The following ZC3H12C variants were observed in gnomAD, a reference collection of about 807,000 sequenced individuals.
The protein encoded by ZC3H12C is zinc finger CCCH-type containing 12C.
A neutral mutation model predicts 76.3 loss-of-function variants in ZC3H12C; 20 were observed. The observed-to-expected ratio is 0.26, with a 90% CI of 0.18 to 0.38. The LOEUF (loss-of-function observed/expected upper bound fraction) is 0.38, where lower values mean the gene tolerates loss of function less well. Among genes scored for constraint, ZC3H12C ranks in the 10% least tolerant of loss-of-function variants. The pLI is 1.00. For missense variants in ZC3H12C, 874 were observed against 1,086.5 expected, an observed-to-expected ratio of 0.80 and a Z score of 2.75; for synonymous variants, 352 against 399.6, an observed-to-expected ratio of 0.88 and a Z score of 1.42.
chr11:110,115,846 C>T (rs181861675), intron 1 of ZC3H12C, among the ~76,000 whole-genome samples: 3 of 150,712 alleles, frequency 2.0e-5, no homozygotes, highest in South Asian at 2.1e-4. Flanking sequence ...CTGCAACCTT[C>T]GCCTCCTGGG....
chr11:110,167,446 A>G lies in ZC3H12C; in HGVS notation c.*1709A>G, dbSNP rs1862604499. ...AAAATAAAAATAACAATTTAGATAAATAGAAATGTCTGTCTTAGTTTTATA... is the reference window on the plus strand; with the variant it reads ...AAAATAAAAATAACAATTTAGATAAGTAGAAATGTCTGTCTTAGTTTTATA... On this transcript the variant is annotated 3_prime_UTR_variant, in exon 6 of 6. Coordinates refer to ENST00000278590, the MANE Select transcript of ZC3H12C (RefSeq NM_033390.2). 6.6e-6 allele frequency: 1 copy of G among 152,216 alleles called. No homozygotes were observed. Among genetic ancestry groups the G allele is most frequent in the Non-Finnish European group, 1.5e-5 (1 of 68,032 alleles). The allele number at this position is 152,216 out of a possible 1,614,324, so 9.4% of individuals were successfully genotyped here.
chr11:110,130,571 A>G (rs984112904), intron 1 of ZC3H12C, among the ~76,000 whole-genome samples: 1 of 152,238 alleles, frequency 6.6e-6, no homozygotes, highest in African/African-American at 2.4e-5. Context: ...TAAAAATGAA[A>G]AGCTAATAGA....
intron 1 of ZC3H12C, among the ~76,000 whole-genome samples, chr11:110,135,111 T>C (rs1861931752): frequency 6.6e-6 from 1 of 152,178 alleles, no homozygotes; most frequent in Non-Finnish European, 1.5e-5. Context: ...TAGTTTTAAA[T>C]AGGTGTTTTT....
chr11:110,107,273 T>A (rs1861346211), intron 1 of ZC3H12C, among the ~76,000 whole-genome samples: 1 of 152,254 alleles, frequency 6.6e-6, no homozygotes, highest in African/African-American at 2.4e-5. Flanking sequence ...GTATAAATTT[T>A]GAGACCTATT....
In ZC3H12C at chr11:110,136,973, G is replaced by A. The variant is rs1459238519; in HGVS notation, c.332G>A (p.Gly111Asp). 1 of 1,613,732 alleles carries A rather than the reference G, an allele frequency of 6.2e-7. No homozygotes were observed. Among genetic ancestry groups the A allele is most frequent in the South Asian group, 1.1e-5 (1 of 91,028 alleles). ...TTGGGTAGCATTTCAGTAGAGCCAG[G>A]CTTGATAACTAAGACTCACAGACAG... is the stretch of plus-strand genomic sequence containing the variant. ...EQLGSISVEP[G>D]LITKTHRQLC... Residue 111 changes from glycine (G) to aspartate (D), a missense_variant, in exon 2 of 6, where the codon GGC (glycine) becomes GAC (aspartate). By Grantham distance (94) the Gly-to-Asp change is moderately conservative. Transcript: ENST00000278590.
At chr11:110,152,127 G>A (rs1421907170) in intron 2 of ZC3H12C, among the ~76,000 whole-genome samples, 1 of 152,100 alleles carries the variant, frequency 6.6e-6, no homozygotes, top group African/African-American at 2.4e-5. Context: ...ACATTGGGAT[G>A]GGTATCATTT....
rs1179645770 is a variant in ZC3H12C, at chr11:110,170,713, C to T, written c.*4976C>T. 6.6e-6 allele frequency: 1 copy of T among 152,194 alleles called. No homozygotes were observed. Among genetic ancestry groups the T allele is most frequent in the African/African-American group, 2.4e-5 (1 of 41,466 alleles). The allele number at this position is 152,194 out of a possible 1,614,324, so 9.4% of individuals were successfully genotyped here. ...ACACGCTGCTGAGCATGTTTATTCA[C>T]AGTGCTTTATACCGGGTGTTGCATC... On this transcript the variant is annotated 3_prime_UTR_variant, in exon 6 of 6. Transcript: ENST00000278590.
chr11:110,120,702 A>G (rs1861636615), intron 1 of ZC3H12C, among the ~76,000 whole-genome samples: 1 of 152,342 alleles, frequency 6.6e-6, no homozygotes, highest in South Asian at 2.1e-4. Context: ...GCAAATTTGC[A>G]AAGATGGGGA....
intron 3 of ZC3H12C, 48 bp from the exon 4 acceptor site, chr11:110,159,208 T>A: frequency 6.9e-7 from 1 of 1,444,244 alleles, no homozygotes; most frequent in Non-Finnish European, 9.5e-7. Flanking sequence ...GCCATGTGTG[T>A]TATCTATGTA....
intron 1 of ZC3H12C, among the ~76,000 whole-genome samples, chr11:110,113,196 G>A (rs1232869266): frequency 6.6e-6 from 1 of 152,110 alleles, no homozygotes; most frequent in Admixed American, 6.5e-5. Context: ...TCGATAGATA[G>A]AATTTGGAGA....
At chr11:110,136,609 G>A (rs1388071630) in intron 1 of ZC3H12C, 54 bp from the exon 2 acceptor site, 2 of 1,550,832 alleles carry the variant, frequency 1.3e-6, no homozygotes, top group Non-Finnish European at 1.7e-6. Context: ...TCTCCATTGA[G>A]ACAGAAATCT....
intron 3 of ZC3H12C, 37 bp from the exon 4 acceptor site, chr11:110,159,218 AT>A (rs1490404060): frequency 6.6e-7 from 1 of 1,517,876 alleles, no homozygotes; most frequent in Non-Finnish European, 9.0e-7. Context: ...TTATCTATGT[AT>A]TTACTTTCTG....
intron 1 of ZC3H12C, among the ~76,000 whole-genome samples, chr11:110,094,908 G>A (rs1861086209): frequency 6.6e-6 from 1 of 152,252 alleles, no homozygotes; most frequent in South Asian, 2.1e-4. Flanking sequence ...TACTTTCAAA[G>A]TAAGTTACAA....
chr11:110,099,176 T>C (rs1861167793), intron 1 of ZC3H12C, among the ~76,000 whole-genome samples: 1 of 152,250 alleles, frequency 6.6e-6, no homozygotes, highest in Non-Finnish European at 1.5e-5. Context: ...TTTAATATTA[T>C]AATGCTTTAG....
At chr11:110,118,838 T>C (rs963559567) in intron 1 of ZC3H12C, among the ~76,000 whole-genome samples, 2 of 151,716 alleles carry the variant, frequency 1.3e-5, no homozygotes, top group Admixed American at 6.6e-5. Context: ...TTAAGAAATA[T>C]ATAAGTTCCC....
Position 110,161,064 on chromosome 11 carries a change from G to A in ZC3H12C, c.1148+1574G>A, listed in dbSNP as rs533218469. 1.1e-4 allele frequency among the ~76,000 whole-genome samples: 16 copies of A among 151,706 alleles called. No homozygotes were observed. In the East Asian group the frequency reaches 2.3e-3, roughly 22 times the overall value. On this transcript the variant is annotated intron_variant, in intron 4 of 5. Coordinates refer to ENST00000278590, the MANE Select transcript of ZC3H12C (RefSeq NM_033390.2). ...TCACCATGTTGGCCAGGCTGGTCTC[G>A]AACTCCTGACCTCAAGTGGTCTGTC...
rs1035605736 is a variant in ZC3H12C, at chr11:110,168,460, C to G, written c.*2723C>G. 2 of 152,146 alleles carry G rather than the reference C, an allele frequency of 1.3e-5. No individual in the cohort carries two copies. Among genetic ancestry groups the G allele is most frequent in the Non-Finnish European group, 2.9e-5 (2 of 67,998 alleles). The allele number at this position is 152,146 out of a possible 1,614,324, so 9.4% of individuals were successfully genotyped here. On this transcript the variant is annotated 3_prime_UTR_variant, in exon 6 of 6. Coordinates refer to ENST00000278590, the MANE Select transcript of ZC3H12C (RefSeq NM_033390.2). The stretch of plus-strand genomic sequence containing the variant: ...ATTAAATTAAATCCATAGCTGATCA[C>G]AAGCCTTCATTTTAGCCAAAACTTT...
At chr11:110,136,446 T>C in intron 1 of ZC3H12C, 1 of 529,684 alleles carries the variant, frequency 1.9e-6, no homozygotes, top group Non-Finnish European at 3.3e-6. Context: ...ATTTACTTTG[T>C]TGCCTTGGAG....
Position 110,165,492 on chromosome 11 carries a change from T to C in ZC3H12C, c.2407T>C (p.Cys803Arg). The C allele has an allele frequency of 6.2e-7, 1 of 1,613,896 alleles. No individual in the cohort carries two copies. The change falls in exon 6 of 6, where the codon TGT becomes CGT. Residue 803 changes from cysteine (C) to arginine (R), a missense_variant. Around this residue, in one of 3 missense-constraint regions of ZC3H12C, gnomAD observed 395 missense variants for 434.4 expected, o/e 0.91. Transcript: ENST00000278590. ...CTTGCCCGATAACTCCACACAGCCG[T>C]GTTATGAGCAGTTCACCTTCCAGAG... ...YSLPDNSTQP[C>R]YEQFTFQSLP... is the part of the protein sequence containing the mutation.
Sources: allele counts gnomAD v4.1 joint callset (sites outside exome capture counted in the v4.1 genomes callset), GRCh38; gene constraint gnomAD v4.1.1; regional missense constraint gnomAD v4.1.1; transcripts MANE v1.5; gene names NCBI Gene and HGNC (gene_info 2026-07-23, HGNC 2026-07-21).